The following ADGRL3 variants were observed in gnomAD, a reference collection of about 807,000 sequenced individuals.
ADGRL3 encodes the protein adhesion G protein-coupled receptor L3, also known as calcium-independent alpha-latrotoxin receptor 3.
Under a neutral mutation model 153.5 loss-of-function variants are expected in ADGRL3, and 62 were observed. That is an observed-to-expected ratio of 0.40 (90% confidence interval 0.33 to 0.50). The LOEUF is 0.50. ADGRL3 is among the 20% of genes least tolerant of loss of function. The pLI, the probability that ADGRL3 is intolerant of heterozygous loss-of-function variation, is 0.47. For synonymous variants in ADGRL3, 710 were observed against 672.5 expected (o/e 1.06, Z -0.86); for missense variants, 1,641 against 1,859.4 (o/e 0.88, Z 2.16).
intron 5 of ADGRL3, among the ~76,000 whole-genome samples, chr4:61,610,392 G>A (rs1272867110): frequency 6.6e-6 from 1 of 152,078 alleles, no homozygotes; most frequent in Non-Finnish European, 1.5e-5. Flanking sequence ...TTTATAAGTT[G>A]TGTAATTTCA....
chr4:61,950,033 T>C (rs1022623369), intron 17 of ADGRL3, among the ~76,000 whole-genome samples: 3 of 152,214 alleles, frequency 2.0e-5, no homozygotes, highest in African/African-American at 7.2e-5. Context: ...TTCATACAAT[T>C]CATTAAAATT....
At chr4:61,964,697 G>A (rs1396926224) in intron 17 of ADGRL3, among the ~76,000 whole-genome samples, 2 of 151,770 alleles carry the variant, frequency 1.3e-5, no homozygotes, top group Non-Finnish European at 2.9e-5. Context: ...TCATTGATTT[G>A]TTTTCTTCTT....
At chr4:61,804,141 C>T (rs1411334749) in intron 8 of ADGRL3, among the ~76,000 whole-genome samples, 1 of 152,250 alleles carries the variant, frequency 6.6e-6, no homozygotes, top group South Asian at 2.1e-4. Flanking sequence ...TCACTGTCAT[C>T]ATCCTGGGAG....
intron 2 of ADGRL3, among the ~76,000 whole-genome samples, chr4:61,401,514 G>T (rs529336011): frequency 6.6e-6 from 1 of 152,084 alleles, no homozygotes; most frequent in African/African-American, 2.4e-5. Context: ...TCTGCTGTAG[G>T]AACATAAAAG....
chr4:61,540,827 TTACTACCTGA>T (rs1020796133), intron 4 of ADGRL3, among the ~76,000 whole-genome samples: 1 of 152,168 alleles, frequency 6.6e-6, no homozygotes, highest in African/African-American at 2.4e-5. Context: ...GATCTACTTT[TTACTACCTGA>T]TTAGGAACAG....
At chr4:61,203,346 T>C (rs1735708486) in intron 1 of ADGRL3, among the ~76,000 whole-genome samples, 1 of 152,204 alleles carries the variant, frequency 6.6e-6, no homozygotes. Flanking sequence ...TAGAGCACAT[T>C]GTAAACAACG....
chr4:61,907,785 C>G (rs2098703244), intron 11 of ADGRL3, among the ~76,000 whole-genome samples: 1 of 151,974 alleles, frequency 6.6e-6, no homozygotes, highest in Non-Finnish European at 1.5e-5. Flanking sequence ...TTAGAAATGC[C>G]TTTGTTCTCT....
At chr4:61,817,845 C>G (rs958470198) in intron 9 of ADGRL3, among the ~76,000 whole-genome samples, 1 of 152,098 alleles carries the variant, frequency 6.6e-6, no homozygotes, top group South Asian at 2.1e-4. Flanking sequence ...TTATTCACTA[C>G]CATGAGAACA....
intron 11 of ADGRL3, among the ~76,000 whole-genome samples, chr4:61,896,641 C>T (rs889436249): frequency 1.3e-5 from 2 of 152,004 alleles, no homozygotes; most frequent in Non-Finnish European, 2.9e-5. Context: ...AAATATCTAC[C>T]CAGTAGATCA....
intron 1 of ADGRL3, among the ~76,000 whole-genome samples, chr4:61,340,640 T>A (rs2151124334): frequency 6.6e-6 from 1 of 152,256 alleles, no homozygotes; most frequent in South Asian, 2.1e-4. Context: ...GCTGTGTATC[T>A]TATGCTATGT....
chr4:61,857,006 T>TTCTTTCCTTCTC (rs2098280463), intron 9 of ADGRL3, among the ~76,000 whole-genome samples: 1 of 112,628 alleles, frequency 8.9e-6, no homozygotes, highest in Non-Finnish European at 1.9e-5. Context: ...CTTTCTTTCT[T>TTCTTTCCTTCTC]TCTTTCTTTC....
chr4:61,914,399 T>A (rs946904048), intron 13 of ADGRL3, among the ~76,000 whole-genome samples: 1 of 152,088 alleles, frequency 6.6e-6, no homozygotes, highest in African/African-American at 2.4e-5. Flanking sequence ...TTTATATAAG[T>A]TTTATGTGAG....
intron 4 of ADGRL3, among the ~76,000 whole-genome samples, chr4:61,559,698 A>G (rs2098785888): frequency 1.3e-5 from 2 of 152,128 alleles, no homozygotes; most frequent in Non-Finnish European, 2.9e-5. Context: ...GTAGAGAACA[A>G]GAAAAGCATG....
At chr4:61,401,675 G>A (rs2096931685) in intron 2 of ADGRL3, among the ~76,000 whole-genome samples, 2 of 151,942 alleles carry the variant, frequency 1.3e-5, no homozygotes, top group Admixed American at 1.3e-4. Flanking sequence ...TAAACATAAG[G>A]ACACAGATTT....
chr4:61,441,151 C>T (rs2097524358), intron 2 of ADGRL3, among the ~76,000 whole-genome samples: 1 of 152,028 alleles, frequency 6.6e-6, no homozygotes, highest in African/African-American at 2.4e-5. Flanking sequence ...CTTTTTCTTT[C>T]TTCTGATCTC....
At chr4:61,774,567 C>A (rs991835161) in intron 8 of ADGRL3, among the ~76,000 whole-genome samples, 3 of 151,552 alleles carry the variant, frequency 2.0e-5, no homozygotes, top group Admixed American at 2.0e-4. Flanking sequence ...AAATACTATA[C>A]CATTTTATAT....
chr4:61,223,134 C>G (rs931414497), intron 1 of ADGRL3, among the ~76,000 whole-genome samples: 1 of 152,064 alleles, frequency 6.6e-6, no homozygotes, highest in Non-Finnish European at 1.5e-5. Context: ...GATTATCTCT[C>G]TCATCTCAGT....
intron 2 of ADGRL3, among the ~76,000 whole-genome samples, chr4:61,395,408 C>A (rs974368278): frequency 1.3e-5 from 2 of 151,878 alleles, no homozygotes; most frequent in South Asian, 2.1e-4. Flanking sequence ...AATTGATAAA[C>A]AAAGAATAAT....
At chr4:61,245,066 A>T (rs1167258746) in intron 1 of ADGRL3, among the ~76,000 whole-genome samples, 1 of 151,972 alleles carries the variant, frequency 6.6e-6, no homozygotes, top group Non-Finnish European at 1.5e-5. Context: ...GGCAGTAGGA[A>T]ATGAGGAGAC....
Sources: allele counts gnomAD v4.1 joint callset (sites outside exome capture counted in the v4.1 genomes callset), GRCh38; gene constraint gnomAD v4.1.1; transcripts MANE v1.5; gene names NCBI Gene and HGNC (gene_info 2026-07-23, HGNC 2026-07-21).